Variants in TMEM33 observed in about 807,000 individuals in gnomAD.
The protein encoded by TMEM33 is transmembrane protein 33.
TMEM33 carries 16 observed loss-of-function variants against 29.7 expected under a neutral mutation model. That is an observed-to-expected ratio of 0.54 (90% confidence interval 0.36 to 0.82). The LOEUF (loss-of-function observed/expected upper bound fraction) is 0.82. Ranked by LOEUF, TMEM33 falls within the 40% of genes least tolerant of loss-of-function variation. The pLI is 0.00. For missense variants in TMEM33, 252 were observed against 295.3 expected, an observed-to-expected ratio of 0.85 and a Z score of 1.08; for synonymous variants, 112 against 109.4, an observed-to-expected ratio of 1.02 and a Z score of -0.15.
intron 1 of TMEM33, among the ~76,000 whole-genome samples, chr4:41,937,055 A>ATTTT: frequency 7.1e-6 from 1 of 140,180 alleles, no homozygotes; most frequent in African/African-American, 2.6e-5. Flanking sequence ...AGATCTAGTG[A>ATTTT]TTTTTTTTTT....
intron 6 of TMEM33, 108 bp downstream of exon 6, chr4:41,949,493 C>T: frequency 1.2e-6 from 1 of 866,532 alleles, no homozygotes; most frequent in Non-Finnish European, 1.7e-6. Context: ...ACTTTAGAAG[C>T]AAGCAGTGTT....
At position 41,958,630 on chromosome 4, in the gene TMEM33, A is replaced by G. The variant is rs1008343414; in HGVS notation, c.*4431A>G. On this transcript the variant is annotated 3_prime_UTR_variant, in exon 7 of 7. Coordinates refer to ENST00000504986, the MANE Select transcript of TMEM33 (RefSeq NM_018126.3). ...TAAAAGCATATTGAAATTTGTAGAT[A>G]TTATATGAGGAATGGCACCTAGATT... 1 of 149,536 alleles carries G rather than the reference A, an allele frequency of 6.7e-6. No homozygotes were observed. The highest frequency in any genetic ancestry group is 2.5e-5 in the African/African-American group (1 of 40,600). 9.3% of individuals were successfully genotyped at this position (149,536 alleles called of 1,614,324 possible).
chr4:41,935,537 C>T lies in TMEM33; in HGVS notation c.45+8C>T, dbSNP rs376383205. 1.8e-5 allele frequency: 29 copies of T among 1,603,618 alleles called. No homozygotes were observed. The highest frequency in any genetic ancestry group is 2.2e-5 in the Non-Finnish European group (26 of 1,175,248). ...CAAGGGGCGGGCGCTGTGGTAAGTG[C>T]GAGGGCAGGGTAGTCTGGCTTGATT... On this transcript the variant is annotated splice_region_variant and intron_variant, in intron 1 of 6. Coordinates refer to ENST00000504986, the MANE Select transcript of TMEM33 (RefSeq NM_018126.3).
chr4:41,946,111 A>G (rs1186358831), intron 5 of TMEM33, among the ~76,000 whole-genome samples: 2 of 149,702 alleles, frequency 1.3e-5, no homozygotes, highest in East Asian at 3.9e-4. Context: ...TAACATTCCA[A>G]CTTATCTCCT....
intron 5 of TMEM33, among the ~76,000 whole-genome samples, chr4:41,946,077 GT>G (rs756912449): frequency 2.4e-3 from 280 of 116,184 alleles, no homozygotes; most frequent in Non-Finnish European, 3.6e-3. Flanking sequence ...ATCCAGTTCT[GT>G]TTTTTTTTTT....
At chr4:41,946,362 G>A (rs919889118) in intron 5 of TMEM33, among the ~76,000 whole-genome samples, 3 of 151,984 alleles carry the variant, frequency 2.0e-5, no homozygotes, top group Non-Finnish European at 4.4e-5. Flanking sequence ...TGATCATATA[G>A]TTATATTTTA....
At chr4:41,946,696 G>A (rs1047674119) in intron 5 of TMEM33, among the ~76,000 whole-genome samples, 21 of 151,874 alleles carry the variant, frequency 1.4e-4, no homozygotes, top group Non-Finnish European at 2.8e-4. Context: ...ATGTAATCTG[G>A]GACAGCAGAA....
At position 41,937,248 on chromosome 4, in the gene TMEM33, C is replaced by A. The variant is rs540418078; in HGVS notation, c.46-1354C>A. 2.0e-5 allele frequency among the ~76,000 whole-genome samples: 3 copies of A among 152,344 alleles called. No homozygotes were observed. The South Asian group carries it at 6.2e-4, about 32-fold the overall frequency. On this transcript the variant is annotated intron_variant, in intron 1 of 6. Transcript: ENST00000504986. ...AGGAGAATGTTCTAAAACTAACTTT[C>A]AAGCTGTGGTGCCCAGTCATAATAT...
chr4:41,951,497 A>G (rs1713038475), intron 6 of TMEM33, among the ~76,000 whole-genome samples: 1 of 152,224 alleles, frequency 6.6e-6, no homozygotes, highest in South Asian at 2.1e-4. Context: ...TGCAGCCAGT[A>G]ATAAAAGAAC....
At chr4:41,941,111 T>C (rs1196876736) in intron 3 of TMEM33, among the ~76,000 whole-genome samples, 2 of 152,226 alleles carry the variant, frequency 1.3e-5, no homozygotes, top group Admixed American at 6.5e-5. Context: ...AATTACTCAC[T>C]TCACTGAGAT....
upstream of TMEM33, chr4:41,935,340 C>CA: frequency 2.3e-6 from 2 of 880,286 alleles, no homozygotes; most frequent in Non-Finnish European, 3.7e-6. Context: ...GGTGGAGGCT[C>CA]AGAGTTCCGG....
chr4:41,939,492 G>A (rs567734133), intron 3 of TMEM33, 109 bp downstream of exon 3: 10 of 1,171,336 alleles, frequency 8.5e-6, no homozygotes, highest in South Asian at 2.8e-5. Flanking sequence ...GTTTGTTCTC[G>A]GCACTTCATT....
chr4:41,936,880 T>G (rs1231458867), intron 1 of TMEM33, among the ~76,000 whole-genome samples: 2 of 152,236 alleles, frequency 1.3e-5, no homozygotes, highest in Non-Finnish European at 2.9e-5. Context: ...CATTTTACAT[T>G]GATTTATCCC....
rs1319564179 is a variant in TMEM33 at position 41,955,058 on chromosome 4, A to G, written c.*859A>G. ...AGTTTTCTTGGTTTCTTAGGCTTGA[A>G]TTTTCATAGACAATTGCAACAGTTT... is the stretch of plus-strand genomic sequence containing the variant. On this transcript the variant is annotated 3_prime_UTR_variant, in exon 7 of 7. Transcript: ENST00000504986. 1 of 152,612 alleles carries G rather than the reference A, an allele frequency of 6.6e-6. No homozygotes were observed. The highest frequency in any genetic ancestry group is 1.5e-5 in the Non-Finnish European group (1 of 68,024). 9.5% of individuals were successfully genotyped at this position (152,612 alleles called of 1,614,324 possible).
rs1237440239 is a variant in TMEM33 at position 41,956,856 on chromosome 4, CAT to C, written c.*2659_*2660del. On this transcript the variant is annotated 3_prime_UTR_variant, in exon 7 of 7. Transcript: ENST00000504986. ...ACTAGATGTTTAGTTTGCATGAACTCATAGTTAGAAATTCTGCAATAGGAATA... is the reference window on the plus strand; with the variant it reads ...ACTAGATGTTTAGTTTGCATGAACTCAGTTAGAAATTCTGCAATAGGAATA... 1 of 151,964 alleles carries C rather than the reference CAT, an allele frequency of 6.6e-6. No homozygotes were observed. Among genetic ancestry groups the C allele is most frequent in the Non-Finnish European group, 1.5e-5 (1 of 67,984 alleles). The allele number at this position is 151,964 out of a possible 1,614,324, so 9.4% of individuals were successfully genotyped here.
In TMEM33 at chr4:41,954,120, C is replaced by T. The variant is rs1263793197; in HGVS notation, c.665C>T (p.Pro222Leu). 1 of 1,613,936 alleles carries T rather than the reference C, an allele frequency of 6.2e-7. No homozygotes were observed. ...GTTGTTGAACACATAATAATGAAAC[C>T]TGCTTGCCCACTGTTTGTGAGAAGA... ...RIVVEHIIMKPACPLFVRRLC... is the reference protein window; with the variant it reads ...RIVVEHIIMKLACPLFVRRLC... The change falls in exon 7 of 7, where the codon CCT (proline) becomes CTT (leucine). Residue 222 changes from proline (P) to leucine (L), a missense_variant. Coordinates refer to ENST00000504986, the MANE Select transcript of TMEM33 (RefSeq NM_018126.3).
chr4:41,940,228 A>G (rs1360063677), intron 3 of TMEM33, among the ~76,000 whole-genome samples: 2 of 151,924 alleles, frequency 1.3e-5, no homozygotes, highest in African/African-American at 4.8e-5. Context: ...TGTGAAACTA[A>G]GAGAGTTAGT....
In TMEM33 at chr4:41,959,719, G is replaced by A. The variant is rs573630488; in HGVS notation, c.*5520G>A. 12 of 152,190 alleles carry A rather than the reference G, an allele frequency of 7.9e-5. No homozygotes were observed. The South Asian group carries it at 2.3e-3, about 29-fold the overall frequency. The allele number at this position is 152,190 out of a possible 1,614,324, so 9.4% of individuals were successfully genotyped here. Reference sequence around the variant, plus strand: ...TTTTTGCCTACATATATATTTTTAAGTTGAGACCAAATCGGTGAAGTGTTG... The same window carrying A: ...TTTTTGCCTACATATATATTTTTAAATTGAGACCAAATCGGTGAAGTGTTG... On this transcript the variant is annotated 3_prime_UTR_variant, in exon 7 of 7. Transcript: ENST00000504986.
rs1042981110 is a variant in TMEM33 at position 41,957,054 on chromosome 4, AAC to A, written c.*2857_*2858del. 1 of 152,210 alleles carries A rather than the reference AAC, an allele frequency of 6.6e-6. No homozygotes were observed. Among genetic ancestry groups the A allele is most frequent in the Non-Finnish European group, 1.5e-5 (1 of 67,994 alleles). 9.4% of individuals were successfully genotyped at this position (152,210 alleles called of 1,614,324 possible). A position where few individuals can be genotyped will look rare whatever the true frequency, so the allele number is the denominator to read the frequency against. ...TTACAGGTTTAAAAGAAGTTCATTT[AAC>A]ATCCAGTGTGTCTAATTCTTCTGGA... On this transcript the variant is annotated 3_prime_UTR_variant, in exon 7 of 7. Coordinates refer to ENST00000504986, the MANE Select transcript of TMEM33 (RefSeq NM_018126.3).
Sources: gnomAD v4.1 joint callset for allele counts (sites outside exome capture counted in the v4.1 genomes callset) on GRCh38, gnomAD v4.1.1 for gene constraint, MANE v1.5 for transcripts, NCBI Gene and HGNC (gene_info 2026-07-23, HGNC 2026-07-21) for gene names.